The following NKAIN2 variants were observed in gnomAD, a reference collection of about 807,000 sequenced individuals.
NKAIN2 encodes sodium/potassium transporting ATPase interacting 2.
NKAIN2 carries 14 observed loss-of-function variants against 32.6 expected under a neutral mutation model. That is an observed-to-expected ratio of 0.43 (90% CI 0.28 to 0.67). NKAIN2 has a LOEUF of 0.67. Ranked by LOEUF, NKAIN2 falls within the 30% of genes least tolerant of loss-of-function variation. The probability of loss-of-function intolerance (pLI) is 0.17; values close to 1 mark genes in which losing one functional copy is unlikely to be tolerated. For synonymous variants in NKAIN2, 80 were observed against 87.2 expected (o/e 0.92, Z 0.46); for missense variants, 198 against 258.3 (o/e 0.77, Z 1.60).
chr6:124,518,180 G>A (rs903217888), intron 3 of NKAIN2, among the ~76,000 whole-genome samples: 1 of 150,770 alleles, frequency 6.6e-6, no homozygotes, highest in Non-Finnish European at 1.5e-5. Context: ...AAAAGCATGC[G>A]AAAATTCTCT....
intron 1 of NKAIN2, among the ~76,000 whole-genome samples, chr6:124,069,024 A>T (rs1229975253): frequency 1.3e-5 from 2 of 151,926 alleles, no homozygotes; most frequent in Non-Finnish European, 2.9e-5. Flanking sequence ...AAAGATCACA[A>T]TTTTTTTTGT....
At chr6:124,563,448 C>T (rs1780782084) in intron 3 of NKAIN2, among the ~76,000 whole-genome samples, 1 of 152,012 alleles carries the variant, frequency 6.6e-6, no homozygotes, top group Non-Finnish European at 1.5e-5. Flanking sequence ...GTCAGTTTAC[C>T]TTTGCTTCTT....
At chr6:123,960,290 C>T (rs1012065212) in intron 1 of NKAIN2, among the ~76,000 whole-genome samples, 1 of 152,186 alleles carries the variant, frequency 6.6e-6, no homozygotes, top group Non-Finnish European at 1.5e-5. Flanking sequence ...GCATCCATCT[C>T]CACATTTCCA....
chr6:124,489,779 A>T (rs1777790472), intron 3 of NKAIN2, among the ~76,000 whole-genome samples: 1 of 151,822 alleles, frequency 6.6e-6, no homozygotes, highest in Non-Finnish European at 1.5e-5. Flanking sequence ...GAAAATCTGG[A>T]TGCTGGTGTC....
intron 3 of NKAIN2, among the ~76,000 whole-genome samples, chr6:124,596,665 T>TGG (rs752586900): frequency 1.2e-5 from 1 of 80,370 alleles, no homozygotes; most frequent in Non-Finnish European, 2.7e-5. Flanking sequence ...AACCATAGGG[T>TGG]GTGTGTGTGT....
At chr6:124,324,503 A>G (rs981809427) in intron 2 of NKAIN2, among the ~76,000 whole-genome samples, 2 of 152,154 alleles carry the variant, frequency 1.3e-5, no homozygotes, top group Non-Finnish European at 2.9e-5. Context: ...TGAATTCAGT[A>G]TAGAAAATTA....
chr6:124,379,656 A>T (rs1361489057), intron 3 of NKAIN2, among the ~76,000 whole-genome samples: 1 of 152,134 alleles, frequency 6.6e-6, no homozygotes, highest in African/African-American at 2.4e-5. Flanking sequence ...ACTGTATTTG[A>T]TTATCATTTC....
At chr6:124,348,068 C>T (rs1798523732) in intron 2 of NKAIN2, among the ~76,000 whole-genome samples, 1 of 152,184 alleles carries the variant, frequency 6.6e-6, no homozygotes, top group Non-Finnish European at 1.5e-5. Context: ...GGACCCTCAG[C>T]TGCAGGTCTG....
chr6:124,103,547 G>A (rs768477600), intron 1 of NKAIN2, among the ~76,000 whole-genome samples: 82 of 152,222 alleles, frequency 5.4e-4, no homozygotes, highest in Non-Finnish European at 8.5e-4. Context: ...GTCTGACCTT[G>A]TAATCATGGA....
chr6:124,028,726 C>T (rs1056673131), intron 1 of NKAIN2, among the ~76,000 whole-genome samples: 22 of 147,366 alleles, frequency 1.5e-4, no homozygotes, highest in African/African-American at 4.0e-4. Flanking sequence ...CGTGTATATA[C>T]GTGTATACAC....
chr6:124,551,690 T>A (rs1263428314), intron 3 of NKAIN2, among the ~76,000 whole-genome samples: 1 of 152,200 alleles, frequency 6.6e-6, no homozygotes, highest in African/African-American at 2.4e-5. Flanking sequence ...ACTGACAGCA[T>A]CATTGTCAAT....
At chr6:124,004,937 A>G (rs1407762335) in intron 1 of NKAIN2, among the ~76,000 whole-genome samples, 26 of 152,198 alleles carry the variant, frequency 1.7e-4, no homozygotes. Flanking sequence ...AAAGAAAGGA[A>G]AACCTGGCTG....
chr6:124,045,360 G>T lies in NKAIN2; in HGVS notation c.55-237645G>T, dbSNP rs117649559. The stretch of plus-strand genomic sequence containing the variant: ...TGAATGGATTAGGGAATGAATGAAA[G>T]AATGCATGTCCTCTTGCCATGGAAA... On this transcript the variant is annotated intron_variant, in intron 1 of 6. Coordinates refer to ENST00000368417, the MANE Select transcript of NKAIN2 (RefSeq NM_001040214.3). Among the ~76,000 whole-genome samples the T allele has an allele frequency of 1.5e-3, 226 of 152,056 alleles. No homozygotes were observed. The East Asian group carries it at 0.034, about 23-fold the overall frequency.
chr6:124,283,279 T>C, intron 2 of NKAIN2, 137 bp downstream of exon 2: 1 of 597,804 alleles, frequency 1.7e-6, no homozygotes, highest in East Asian at 2.8e-5. Context: ...GTGTTTATTT[T>C]CATAGTTTCA....
At chr6:124,365,592 G>A (rs1301945868) in intron 3 of NKAIN2, among the ~76,000 whole-genome samples, 1 of 151,652 alleles carries the variant, frequency 6.6e-6, no homozygotes, top group Admixed American at 6.6e-5. Flanking sequence ...ATCACAGTGG[G>A]AAACTTTTAC....
At chr6:124,764,024 C>T (rs1283497111) in intron 4 of NKAIN2, among the ~76,000 whole-genome samples, 1 of 152,170 alleles carries the variant, frequency 6.6e-6, no homozygotes, top group Non-Finnish European at 1.5e-5. Flanking sequence ...AAGTCTGACA[C>T]TTCTGCATTA....
intron 3 of NKAIN2, among the ~76,000 whole-genome samples, chr6:124,648,613 T>C (rs1438405433): frequency 1.3e-5 from 2 of 151,966 alleles, no homozygotes; most frequent in African/African-American, 4.8e-5. Context: ...GTTCATGGAG[T>C]GTGATGGAAG....
chr6:124,021,289 A>AT (rs921565499), intron 1 of NKAIN2, among the ~76,000 whole-genome samples: 1 of 151,964 alleles, frequency 6.6e-6, no homozygotes, highest in African/African-American at 2.4e-5. Context: ...AGTATTATAT[A>AT]TTTTTTTACA....
At chr6:123,875,878 T>C (rs1469312573) in intron 1 of NKAIN2, among the ~76,000 whole-genome samples, 1 of 152,108 alleles carries the variant, frequency 6.6e-6, no homozygotes. Context: ...TGAAATTTCC[T>C]TTACAAAATT....
Sources: gnomAD v4.1 joint callset for allele counts (sites outside exome capture counted in the v4.1 genomes callset) on GRCh38, gnomAD v4.1.1 for gene constraint, MANE v1.5 for transcripts, NCBI Gene and HGNC (gene_info 2026-07-23, HGNC 2026-07-21) for gene names.